The following ANK2 variants were observed in gnomAD, a reference collection of about 807,000 sequenced individuals.
ANK2 encodes the protein ankyrin 2.
In ANK2, 83 loss-of-function variants were observed where a neutral mutation model predicts 360.5. That is an observed-to-expected ratio of 0.23 (90% CI 0.19 to 0.28). ANK2 has a LOEUF of 0.28. Ranked by LOEUF, ANK2 falls within the 10% of genes least tolerant of loss-of-function variation. The probability of loss-of-function intolerance (pLI) is 1.00; values close to 1 mark genes in which losing one functional copy is unlikely to be tolerated. For missense variants in ANK2, 4,201 were observed against 4,795.7 expected, an observed-to-expected ratio of 0.88 and a Z score of 3.66; for synonymous variants, 1,740 against 1,759.5, an observed-to-expected ratio of 0.99 and a Z score of 0.28.
chr4:113,050,855 T>G (rs2066646614), intron 1 of ANK2, among the ~76,000 whole-genome samples: 1 of 152,212 alleles, frequency 6.6e-6, no homozygotes, highest in Non-Finnish European at 1.5e-5. Flanking sequence ...ATTCTAGATG[T>G]CTAGTGTACT....
chr4:112,866,859 A>G (rs1269672130), intron 1 of ANK2, among the ~76,000 whole-genome samples: 3 of 152,080 alleles, frequency 2.0e-5, no homozygotes, highest in Admixed American at 6.5e-5. Flanking sequence ...GTGGTGATGT[A>G]TTAGTCTTAC....
chr4:113,300,770 C>G (rs1055698742), intron 22 of ANK2, among the ~76,000 whole-genome samples: 25 of 152,298 alleles, frequency 1.6e-4, no homozygotes, highest in African/African-American at 6.0e-4. Flanking sequence ...CAGCTCAACA[C>G]GATCGTAGCA....
intron 26 of ANK2, among the ~76,000 whole-genome samples, chr4:113,326,146 T>A (rs1329984485): frequency 2.0e-5 from 3 of 152,324 alleles, no homozygotes; most frequent in Non-Finnish European, 4.4e-5. Context: ...CAATTTTTTT[T>A]ATGCTTATTT....
At chr4:113,315,472 G>C (rs948642681) in intron 24 of ANK2, among the ~76,000 whole-genome samples, 1 of 152,234 alleles carries the variant, frequency 6.6e-6, no homozygotes, top group South Asian at 2.1e-4. Context: ...CTTTGAGACC[G>C]GTGTTTCTGC....
At chr4:112,954,636 A>G (rs2095246034) in intron 2 of ANK2, among the ~76,000 whole-genome samples, 1 of 152,208 alleles carries the variant, frequency 6.6e-6, no homozygotes, top group African/African-American at 2.4e-5. Flanking sequence ...TTATTTCACC[A>G]TTAACCAACA....
At chr4:112,826,915 C>T (rs2058533948) in intron 1 of ANK2, 3 of 1,527,596 alleles carry the variant, frequency 2.0e-6, no homozygotes, top group African/African-American at 2.7e-5. Context: ...GAAGAAAATG[C>T]CTGTGTCTTA....
chr4:112,867,149 C>T lies in ANK2; in HGVS notation c.-39-37306C>T, dbSNP rs2070919065. Reference sequence around the variant, plus strand: ...TTTTTTTTTCCTTGAACTCTACCTGCCTATGTTTTATCTGCATTGAAAGTA... The same window carrying T: ...TTTTTTTTTCCTTGAACTCTACCTGTCTATGTTTTATCTGCATTGAAAGTA... On this transcript the variant is annotated intron_variant, in intron 1 of 30. Transcript: ENST00000503271. Among the ~76,000 whole-genome samples the T allele has an allele frequency of 4.0e-5, 6 of 151,574 alleles. No homozygotes were observed. The South Asian group carries it at 1.2e-3, about 31-fold the overall frequency.
intron 1 of ANK2, among the ~76,000 whole-genome samples, chr4:113,116,056 A>G (rs544520642): frequency 1.3e-5 from 2 of 152,294 alleles, no homozygotes; most frequent in East Asian, 3.9e-4. Context: ...CTATGGCAGT[A>G]TAGGTAATTG....
intron 1 of ANK2, among the ~76,000 whole-genome samples, chr4:113,086,679 C>T (rs2084957542): frequency 6.6e-6 from 1 of 152,148 alleles, no homozygotes; most frequent in Admixed American, 6.5e-5. Context: ...AACTGAAGCA[C>T]AGAAAGGGAC....
At chr4:112,952,447 T>C (rs1334232807) in intron 2 of ANK2, among the ~76,000 whole-genome samples, 1 of 152,224 alleles carries the variant, frequency 6.6e-6, no homozygotes, top group Admixed American at 6.5e-5. Context: ...AATATAGCTG[T>C]TATCTTTGCT....
chr4:113,174,396 G>T lies in ANK2; in HGVS notation c.85-20G>T. 6.3e-7 allele frequency: 1 copy of T among 1,585,074 alleles called. No individual in the cohort carries two copies. Among genetic ancestry groups the T allele is most frequent in the Non-Finnish European group, 8.6e-7 (1 of 1,156,754 alleles). On this transcript the variant is annotated intron_variant, in intron 1 of 45. Transcript: ENST00000357077. ...CTATTTCATCAATAGTTCATTAAAG[G>T]TCTTTTATTTTTCTCGCAGTCTGAC...
At chr4:113,317,360 A>G in intron 24 of ANK2, 2 of 347,490 alleles carry the variant, frequency 5.8e-6, no homozygotes, top group Admixed American at 7.9e-5. Context: ...GATTTAAGCA[A>G]TCTATCCTGG....
chr4:113,347,186 C>T (rs1052906715), intron 35 of ANK2, among the ~76,000 whole-genome samples: 80 of 151,984 alleles, frequency 5.3e-4, no homozygotes, highest in African/African-American at 1.8e-3. Context: ...TAGAGATCAG[C>T]CATCTAGAGA....
chr4:112,937,838 T>C (rs1156509762), intron 2 of ANK2, among the ~76,000 whole-genome samples: 1 of 152,198 alleles, frequency 6.6e-6, no homozygotes, highest in African/African-American at 2.4e-5. Context: ...ATTGAGGTGG[T>C]CCTTAGAAAA....
intron 1 of ANK2, among the ~76,000 whole-genome samples, chr4:113,094,780 C>T (rs1327774395): frequency 6.6e-6 from 1 of 152,184 alleles, no homozygotes; most frequent in African/African-American, 2.4e-5. Context: ...AACCAGATTT[C>T]ATCACCAGTA....
chr4:112,870,005 G>T (rs2072294648), intron 1 of ANK2, among the ~76,000 whole-genome samples: 1 of 151,514 alleles, frequency 6.6e-6, no homozygotes, highest in African/African-American at 2.4e-5. Flanking sequence ...TTGTTTGTTT[G>T]TTTGTTTTCT....
At chr4:113,020,884 T>G (rs543486051) in intron 2 of ANK2, among the ~76,000 whole-genome samples, 2 of 149,598 alleles carry the variant, frequency 1.3e-5, no homozygotes, top group South Asian at 4.2e-4. Flanking sequence ...ATTTGAAAAA[T>G]AGAATAGTGT....
At chr4:112,946,986 A>G (rs1391780305) in intron 2 of ANK2, among the ~76,000 whole-genome samples, 1 of 152,132 alleles carries the variant, frequency 6.6e-6, no homozygotes, top group Non-Finnish European at 1.5e-5. Context: ...TTTCTAGACA[A>G]CCTTTGCCAG....
chr4:113,136,716 G>T (rs2154381871), intron 1 of ANK2, among the ~76,000 whole-genome samples: 1 of 149,752 alleles, frequency 6.7e-6, no homozygotes, highest in Admixed American at 6.7e-5. Context: ...GGGAAAGAAA[G>T]ATCAGCTCAG....
Sources: allele counts gnomAD v4.1 joint callset (sites outside exome capture counted in the v4.1 genomes callset), GRCh38; gene constraint gnomAD v4.1.1; transcripts MANE v1.5; gene names NCBI Gene and HGNC (gene_info 2026-07-23, HGNC 2026-07-21).